TCF7L1: variants seen among roughly 807,000 people sequenced by gnomAD.
TCF7L1 encodes the protein transcription factor 7 like 1.
In TCF7L1, 18 loss-of-function variants were observed where a neutral mutation model predicts 63.7. The ratio of observed to expected loss-of-function variants is 0.28; its 90% CI spans 0.20 to 0.42. The LOEUF is 0.42. Among genes scored for constraint, TCF7L1 ranks in the 10% least tolerant of loss-of-function variants. TCF7L1 has a pLI of 1.00. For synonymous variants in TCF7L1, 355 were observed against 340.9 expected (o/e 1.04, Z -0.46); for missense variants, 654 against 779.3 (o/e 0.84, Z 1.91).
At chr2:85,305,473 C>A in intron 8 of TCF7L1, 70 bp downstream of exon 8, 3 of 1,518,164 alleles carry the variant, frequency 2.0e-6, no homozygotes, top group East Asian at 4.6e-5. Flanking sequence ...ACACTCTGAG[C>A]AGCAAATGTC....
At chr2:85,146,123 A>G (rs967067557) in intron 3 of TCF7L1, among the ~76,000 whole-genome samples, 5 of 152,254 alleles carry the variant, frequency 3.3e-5, no homozygotes, top group Non-Finnish European at 7.3e-5. Flanking sequence ...AATATTAAAA[A>G]ATAGCCCCAT....
intron 11 of TCF7L1, among the ~76,000 whole-genome samples, chr2:85,308,454 TCCCTCTC>T (rs1339314350): frequency 2.0e-5 from 1 of 50,112 alleles, no homozygotes; most frequent in South Asian, 9.6e-4. Flanking sequence ...TCTCTTTCCC[TCCCTCTC>T]TTTCCCTCCC....
intron 3 of TCF7L1, among the ~76,000 whole-genome samples, chr2:85,244,129 G>A (rs1209275189): frequency 1.3e-5 from 2 of 152,168 alleles, no homozygotes; most frequent in African/African-American, 4.8e-5. Context: ...CGCTTGGTAG[G>A]TTCCAGGAGC....
At chr2:85,181,021 C>G (rs1285313188) in intron 3 of TCF7L1, among the ~76,000 whole-genome samples, 1 of 152,218 alleles carries the variant, frequency 6.6e-6, no homozygotes, top group Non-Finnish European at 1.5e-5. Context: ...TGTTTCTCCT[C>G]TGCAGTTCCT....
chr2:85,153,746 G>A (rs907334345), intron 3 of TCF7L1, among the ~76,000 whole-genome samples: 1 of 152,078 alleles, frequency 6.6e-6, no homozygotes. Context: ...AAGTATGTTG[G>A]CTGTCATATT....
intron 3 of TCF7L1, among the ~76,000 whole-genome samples, chr2:85,213,451 G>A (rs1679620274): frequency 6.6e-6 from 1 of 152,104 alleles, no homozygotes; most frequent in Admixed American, 6.5e-5. Context: ...CTATGCCCCA[G>A]TGTTTTATTT....
chr2:85,188,966 T>A lies in TCF7L1; in HGVS notation c.441+54516T>A, dbSNP rs144048410. 3.6e-3 allele frequency among the ~76,000 whole-genome samples: 554 copies of A among 152,360 alleles called. 7 individuals carry two copies. The highest frequency in any genetic ancestry group is 0.013 in the African/African-American group (542 of 41,582). On this transcript the variant is annotated intron_variant, in intron 3 of 11. Transcript: ENST00000282111. ...AGTATTGCATTATGAGGAGGAACTA[T>A]CTTTAATTATCTTTTTGGGGGGGTG...
chr2:85,212,777 A>T (rs1026324190), intron 3 of TCF7L1, among the ~76,000 whole-genome samples: 1 of 151,936 alleles, frequency 6.6e-6, no homozygotes, highest in African/African-American at 2.4e-5. Flanking sequence ...GGATGTCATC[A>T]CCCCCAGGTT....
intron 3 of TCF7L1, among the ~76,000 whole-genome samples, chr2:85,205,289 T>G (rs917118503): frequency 1.3e-5 from 2 of 152,178 alleles, no homozygotes; most frequent in African/African-American, 2.4e-5. Flanking sequence ...GCAGCATAAT[T>G]TACGTTGCAT....
chr2:85,309,468 C>A lies in TCF7L1; in HGVS notation c.*6C>A. The A allele has an allele frequency of 6.6e-7, 1 of 1,518,814 alleles. No homozygotes were observed. Among genetic ancestry groups the A allele is most frequent in the South Asian group, 1.3e-5 (1 of 75,494 alleles). 94.1% of individuals were successfully genotyped at this position (1,518,814 alleles called of 1,614,324 possible). Reference sequence around the variant, plus strand: ...TCACCAAGTCTGCCCACTAAGCTCCCCCCGACCCCTGCAGGCTGTCACATG... The same window carrying A: ...TCACCAAGTCTGCCCACTAAGCTCCACCCGACCCCTGCAGGCTGTCACATG... On this transcript the variant is annotated 3_prime_UTR_variant, in exon 12 of 12. Coordinates refer to ENST00000282111, the MANE Select transcript of TCF7L1 (RefSeq NM_031283.3).
chr2:85,173,819 C>T (rs1201009304), intron 3 of TCF7L1, among the ~76,000 whole-genome samples: 1 of 152,078 alleles, frequency 6.6e-6, no homozygotes, highest in Non-Finnish European at 1.5e-5. Context: ...TCACTGCAAC[C>T]TCTGCCTCTT....
chr2:85,159,296 G>C (rs753031810), intron 3 of TCF7L1, among the ~76,000 whole-genome samples: 6 of 152,068 alleles, frequency 3.9e-5, no homozygotes, highest in Admixed American at 2.0e-4. Context: ...CCAGGCGCCC[G>C]GGGCTCCCTG....
At chr2:85,265,798 A>AT (rs1279220012) in intron 3 of TCF7L1, among the ~76,000 whole-genome samples, 3 of 151,576 alleles carry the variant, frequency 2.0e-5, no homozygotes, top group Non-Finnish European at 4.4e-5. Context: ...TATATATTTA[A>AT]TTTTTTTAAT....
intron 3 of TCF7L1, among the ~76,000 whole-genome samples, chr2:85,147,054 A>G (rs1677895675): frequency 6.6e-6 from 1 of 152,144 alleles, no homozygotes; most frequent in Non-Finnish European, 1.5e-5. Context: ...AGATGTTAAC[A>G]GTTCTAGGTG....
chr2:85,280,847 C>T (rs980788474), intron 3 of TCF7L1, among the ~76,000 whole-genome samples: 16 of 151,972 alleles, frequency 1.1e-4, no homozygotes, highest in African/African-American at 3.4e-4. Context: ...AAAACACATC[C>T]GAGCAAAGAG....
intron 5 of TCF7L1, chr2:85,303,684 G>T (rs1297594887): frequency 4.5e-6 from 2 of 447,624 alleles, no homozygotes; most frequent in Non-Finnish European, 7.9e-6. Context: ...TGCAGCTAGA[G>T]AGGGGGTGCA....
chr2:85,305,479 A>G, intron 8 of TCF7L1, 76 bp downstream of exon 8: 7 of 1,507,666 alleles, frequency 4.6e-6, no homozygotes, highest in Non-Finnish European at 6.2e-6. Context: ...TGAGCAGCAA[A>G]TGTCATGTAC....
chr2:85,160,248 A>T (rs1343868986), intron 3 of TCF7L1, among the ~76,000 whole-genome samples: 3 of 151,970 alleles, frequency 2.0e-5, no homozygotes, highest in Non-Finnish European at 4.4e-5. Context: ...TCCAACAGAG[A>T]TTTGTTGGCC....
chr2:85,183,229 C>T (rs1283313222), intron 3 of TCF7L1, among the ~76,000 whole-genome samples: 1 of 152,048 alleles, frequency 6.6e-6, no homozygotes, highest in Non-Finnish European at 1.5e-5. Context: ...GGCAAGTCAG[C>T]CAAGAGTGTC....
Sources: gnomAD v4.1 joint callset for allele counts (sites outside exome capture counted in the v4.1 genomes callset) on GRCh38, gnomAD v4.1.1 for gene constraint, MANE v1.5 for transcripts, NCBI Gene and HGNC (gene_info 2026-07-23, HGNC 2026-07-21) for gene names.